Variants in SHANK2 observed in about 807,000 individuals in gnomAD.
The protein encoded by SHANK2 is SH3 and multiple ankyrin repeat domains protein 2.
SHANK2 carries 43 observed loss-of-function variants against 133.7 expected under a neutral mutation model. That is an observed-to-expected ratio of 0.32 (90% confidence interval 0.25 to 0.41). SHANK2 has a LOEUF of 0.41. Ranked by LOEUF, SHANK2 falls within the 10% of genes least tolerant of loss-of-function variation. The pLI is 1.00. For synonymous variants in SHANK2, 1,017 were observed against 952.8 expected, an observed-to-expected ratio of 1.07 and a Z score of -1.24; for missense variants, 1,994 against 2,235.8, an observed-to-expected ratio of 0.89 and a Z score of 2.18.
intron 14 of SHANK2, among the ~76,000 whole-genome samples, chr11:70,776,488 G>T (rs782335656): frequency 6.6e-6 from 1 of 152,158 alleles, no homozygotes; most frequent in Non-Finnish European, 1.5e-5. Flanking sequence ...TGCTGGTATC[G>T]CCAAGAGCCT....
intron 17 of SHANK2, among the ~76,000 whole-genome samples, chr11:70,645,506 A>G (rs1405537611): frequency 6.6e-6 from 1 of 152,206 alleles, no homozygotes; most frequent in African/African-American, 2.4e-5. Context: ...ATTAACTGAC[A>G]ACAAAAAATG....
rs1286685404 is a variant in SHANK2, at chr11:71,252,496, G to C, written c.-184C>G. On this transcript the variant is annotated 5_prime_UTR_variant, in exon 1 of 26. Transcript: ENST00000601538. The surrounding 1 kb of genome is among the most constrained non-coding windows in gnomAD (Gnocchi z 6.3). ...GCGTCCGCGCACACCTGGATCGGCCGCGGGAACCCGAGCGGCGCCGCGCCC... is the reference window on the plus strand; with the variant it reads ...GCGTCCGCGCACACCTGGATCGGCCCCGGGAACCCGAGCGGCGCCGCGCCC... The C allele has an allele frequency of 6.6e-6, 1 of 151,260 alleles. No individual in the cohort carries two copies. Among genetic ancestry groups the C allele is most frequent in the Non-Finnish European group, 1.5e-5 (1 of 67,762 alleles). 9.4% of individuals were successfully genotyped at this position (151,260 alleles called of 1,614,324 possible). A position where few individuals can be genotyped will look rare whatever the true frequency, so the allele number is the denominator to read the frequency against.
At chr11:70,575,361 C>CA (rs1471840225) in intron 17 of SHANK2, among the ~76,000 whole-genome samples, 5 of 151,828 alleles carry the variant, frequency 3.3e-5, no homozygotes, top group Non-Finnish European at 7.4e-5. Context: ...AAAATACACA[C>CA]ACAAAAAATC....
intron 9 of SHANK2, among the ~76,000 whole-genome samples, chr11:71,060,549 G>A (rs1950975493): frequency 6.6e-6 from 1 of 152,230 alleles, no homozygotes; most frequent in South Asian, 2.1e-4. Context: ...TTTCACAGAA[G>A]ATGTTCACCC....
At chr11:70,695,974 G>T (rs1279333312) in intron 15 of SHANK2, among the ~76,000 whole-genome samples, 1 of 150,664 alleles carries the variant, frequency 6.6e-6, no homozygotes, top group Non-Finnish European at 1.5e-5. Context: ...AGTGTGGTCT[G>T]CATGTTCCTC....
At chr11:70,522,516 C>T (rs2135934737) in intron 17 of SHANK2, among the ~76,000 whole-genome samples, 1 of 152,344 alleles carries the variant, frequency 6.6e-6, no homozygotes, top group South Asian at 2.1e-4. Flanking sequence ...CTTATTCAAA[C>T]CCCGATCTTA....
chr11:71,092,663 C>G, intron 7 of SHANK2, 74 bp from the exon 8 acceptor site: 1 of 1,460,258 alleles, frequency 6.8e-7, no homozygotes, highest in Non-Finnish European at 9.3e-7. Flanking sequence ...ATCCAGAAAG[C>G]AGCACCAGGA....
rs1819812473 is a variant in SHANK2 at position 71,094,622 on chromosome 11, C to T, written c.659G>A (p.Gly220Asp). ...GGCACGGAAGTCCAGGTGAGCTCCA[C>T]CATTTTTGAGAGCTTTGATGACCTC... ...SVEVIKALKN[G>D]GAHLDFRAKD... The change falls in exon 7 of 26, where the codon GGT (glycine) becomes GAT (aspartate). Residue 220 changes from glycine (G) to aspartate (D), a missense_variant. Gly to Asp is a moderately conservative substitution (Grantham distance 94). Transcript: ENST00000601538. 4 of 1,551,630 alleles carry T rather than the reference C, an allele frequency of 2.6e-6. No homozygotes were observed. Among genetic ancestry groups the T allele is most frequent in the Non-Finnish European group, 2.6e-6 (3 of 1,147,000 alleles).
chr11:70,548,295 G>A (rs1027764485), intron 17 of SHANK2, among the ~76,000 whole-genome samples: 8 of 152,240 alleles, frequency 5.3e-5, no homozygotes, highest in East Asian at 1.9e-4. Flanking sequence ...TGACACAGAC[G>A]TGCACACACA....
intron 3 of SHANK2, among the ~76,000 whole-genome samples, chr11:71,146,111 G>A (rs113199437): frequency 2.0e-4 from 30 of 152,296 alleles, no homozygotes; most frequent in African/African-American, 5.1e-4. Context: ...GACAGACGGC[G>A]TGTGAAATGT....
intron 10 of SHANK2, among the ~76,000 whole-genome samples, chr11:70,898,511 T>TA (rs1555076194): frequency 6.6e-6 from 1 of 152,142 alleles, no homozygotes; most frequent in East Asian, 1.9e-4. Context: ...AAGAACACGT[T>TA]ACTGGAAACT....
intron 15 of SHANK2, among the ~76,000 whole-genome samples, chr11:70,684,371 A>G (rs1434391287): frequency 6.6e-6 from 1 of 152,050 alleles, no homozygotes; most frequent in Non-Finnish European, 1.5e-5. Context: ...AGCTTGGGCA[A>G]CCTAGAGAGA....
chr11:70,640,868 C>A (rs1054701920), intron 17 of SHANK2, among the ~76,000 whole-genome samples: 9 of 152,190 alleles, frequency 5.9e-5, no homozygotes, highest in African/African-American at 1.2e-4. Flanking sequence ...TGCTGGGTAA[C>A]CTGCTTAGCA....
At chr11:70,780,201 C>T (rs2135104818) in intron 14 of SHANK2, among the ~76,000 whole-genome samples, 1 of 152,276 alleles carries the variant, frequency 6.6e-6, no homozygotes, top group Non-Finnish European at 1.5e-5. Flanking sequence ...TAATAAATTC[C>T]TTTCGTAGGG....
intron 17 of SHANK2, among the ~76,000 whole-genome samples, chr11:70,658,012 G>A (rs1383623858): frequency 1.3e-5 from 2 of 152,144 alleles, no homozygotes; most frequent in Admixed American, 1.3e-4. Flanking sequence ...TATTGATGAG[G>A]TTATCCAGGA....
In SHANK2 at chr11:70,755,827, G is replaced by C. The variant is rs1369305212; in HGVS notation, c.1777+42616C>G. Among the ~76,000 whole-genome samples the C allele has an allele frequency of 4.6e-5, 7 of 152,364 alleles. No individual in the cohort carries two copies. In the East Asian group the frequency reaches 1.4e-3, roughly 29 times the overall value. ...CCGCGGCTTCCGGAGGGGCCTCCCA[G>C]TGCTGGGGCCATCGTAGGGCCACTT... On this transcript the variant is annotated intron_variant, in intron 14 of 25. Coordinates refer to ENST00000601538, the MANE Select transcript of SHANK2 (RefSeq NM_012309.5).
At chr11:70,744,064 C>T (rs117924129) in intron 14 of SHANK2, among the ~76,000 whole-genome samples, 1,952 of 152,340 alleles carry the variant, frequency 0.013, 23 homozygotes, top group Non-Finnish European at 0.017. Context: ...CCACACTTCA[C>T]GCAGCAGCCA....
At chr11:71,147,760 G>C (rs1171129466) in intron 2 of SHANK2, among the ~76,000 whole-genome samples, 2 of 152,256 alleles carry the variant, frequency 1.3e-5, no homozygotes, top group East Asian at 1.9e-4. Flanking sequence ...CAGAGCTTCA[G>C]GAGAGGAAGA....
chr11:70,571,025 A>C lies in SHANK2; in HGVS notation c.2062-68094T>G, dbSNP rs537598932. On this transcript the variant is annotated intron_variant, in intron 17 of 25. Coordinates refer to ENST00000601538, the MANE Select transcript of SHANK2 (RefSeq NM_012309.5). The stretch of plus-strand genomic sequence containing the variant: ...GTTAGCATTTCTTTCTTCTGAAGCA[A>C]TCCAGGAGGCTCAGAAAACCACAGC... Among the ~76,000 whole-genome samples, 177 of 152,236 alleles carry C rather than the reference A, an allele frequency of 1.2e-3. 1 individual carries two copies. Among genetic ancestry groups the C allele is most frequent in the African/African-American group, 4.0e-3 (165 of 41,544 alleles).
Sources: gnomAD v4.1 joint callset for allele counts (sites outside exome capture counted in the v4.1 genomes callset) on GRCh38, gnomAD v4.1.1 for gene constraint, Gnocchi (gnomAD v3.1) non-coding constraint, MANE v1.5 for transcripts, NCBI Gene and HGNC (gene_info 2026-07-23, HGNC 2026-07-21) for gene names.